BCAS4: variants seen among roughly 807,000 people sequenced by gnomAD.
BCAS4 encodes the protein breast carcinoma-amplified sequence 4.
A neutral mutation model predicts 15.7 loss-of-function variants in BCAS4; 9 were observed. The observed-to-expected ratio is 0.57, with a 90% CI of 0.34 to 1.00. The LOEUF (loss-of-function observed/expected upper bound fraction) is 1.00, where lower values mean the gene tolerates loss of function less well. Ranked by LOEUF, BCAS4 falls within the 50% of genes least tolerant of loss-of-function variation. The probability of loss-of-function intolerance (pLI) is 0.02; values close to 1 mark genes in which losing one functional copy is unlikely to be tolerated. For missense variants in BCAS4, 225 were observed against 239.1 expected (o/e 0.94, Z 0.39); for synonymous variants, 101 against 99.5 (o/e 1.02, Z -0.09).
At chr20:50,813,673 CCTTTTTTT>C (rs2088099913) in intron 1 of BCAS4, among the ~76,000 whole-genome samples, 1 of 108,214 alleles carries the variant, frequency 9.2e-6, no homozygotes, top group Non-Finnish European at 1.7e-5. Flanking sequence ...GGGTGGAGGA[CCTTTTTTT>C]TTTTTTTTTT....
At chr20:50,864,284 C>T (rs1386050714) in intron 4 of BCAS4, among the ~76,000 whole-genome samples, 3 of 152,124 alleles carry the variant, frequency 2.0e-5, no homozygotes, top group Admixed American at 1.3e-4. Flanking sequence ...GTACAAGCAT[C>T]ACGCCGGGGA....
At chr20:50,839,490 C>T (rs920868638) in intron 3 of BCAS4, among the ~76,000 whole-genome samples, 3 of 152,086 alleles carry the variant, frequency 2.0e-5, no homozygotes, top group Non-Finnish European at 4.4e-5. Flanking sequence ...AAGCACTCTA[C>T]TTGTTGAATA....
chr20:50,822,564 C>CTCAT (rs1300771331), intron 2 of BCAS4, among the ~76,000 whole-genome samples: 1 of 151,652 alleles, frequency 6.6e-6, no homozygotes, highest in Admixed American at 6.6e-5. Context: ...CAACGAAGCT[C>CTCAT]TCATACATTG....
intron 4 of BCAS4, among the ~76,000 whole-genome samples, chr20:50,842,485 C>T (rs2088497030): frequency 1.7e-5 from 1 of 60,574 alleles, no homozygotes; most frequent in African/African-American, 7.3e-5. Context: ...GGCGTGATCT[C>T]AGCTCACTGC....
At chr20:50,830,483 C>A (rs2088331029) in intron 3 of BCAS4, 103 bp downstream of exon 3, 1 of 867,190 alleles carries the variant, frequency 1.2e-6, no homozygotes, top group Admixed American at 2.6e-5. Context: ...GGCATTATGC[C>A]CAATGCAGGG....
chr20:50,872,581 C>CAA lies in BCAS4; in HGVS notation c.400-3893_400-3892dup, dbSNP rs796808126. Among the ~76,000 whole-genome samples the CAA allele has an allele frequency of 1.1e-3, 43 of 40,284 alleles. 1 individual carries two copies. Among genetic ancestry groups the CAA allele is most frequent in the African/African-American group, 1.7e-3 (6 of 3,624 alleles). 26.4% of individuals were successfully genotyped at this position (40,284 alleles called of 152,430 possible). On this transcript the variant is annotated intron_variant, in intron 4 of 4. Coordinates refer to ENST00000371608, the MANE Select transcript of BCAS4 (RefSeq NM_198799.4). ...GCGAGACTCCATCTCAAAAAAGGAACAAAAAAAAAAAAAGAAAAAAATCAA... is the reference window on the plus strand; with the variant it reads ...GCGAGACTCCATCTCAAAAAAGGAACAAAAAAAAAAAAAAAGAAAAAAATCAA...
intron 1 of BCAS4, among the ~76,000 whole-genome samples, chr20:50,796,467 ATATATATATATATATATATATTTTTTTTT>A (rs1444665196): frequency 4.4e-4 from 5 of 11,328 alleles, no homozygotes; most frequent in African/African-American, 1.9e-3. Flanking sequence ...ATATATATAT[ATATATATATATATATATATATTTTTTTTT>A]TTTTTTTTTT....
intron 4 of BCAS4, among the ~76,000 whole-genome samples, chr20:50,872,077 C>T (rs6013036): frequency 0.45 from 68,362 of 151,258 alleles, 18,018 homozygotes; most frequent in African/African-American, 0.75. Context: ...CTGGCCAACA[C>T]GGTGAAACCC....
intron 1 of BCAS4, among the ~76,000 whole-genome samples, chr20:50,814,462 T>C (rs1333586073): frequency 6.6e-6 from 1 of 152,198 alleles, no homozygotes; most frequent in African/African-American, 2.4e-5. Flanking sequence ...TTAGTTTTCT[T>C]TTTATAGAGA....
At chr20:50,818,304 G>GTGGGTTTAGGCCTGGAAGGCA in intron 2 of BCAS4, 22 bp downstream of exon 2, 1 of 1,607,974 alleles carries the variant, frequency 6.2e-7, no homozygotes, top group Non-Finnish European at 8.5e-7. Flanking sequence ...CCTGGAAGGC[G>GTGGGTTTAGGCCTGGAAGGCA]TGGGTTTAGG....
chr20:50,856,503 G>C (rs1201272699), intron 4 of BCAS4, among the ~76,000 whole-genome samples: 4 of 152,222 alleles, frequency 2.6e-5, no homozygotes, highest in Non-Finnish European at 4.4e-5. Context: ...GGAGGTGGCT[G>C]TTTCGGGGCT....
At chr20:50,864,609 T>C (rs1979265129) in intron 4 of BCAS4, among the ~76,000 whole-genome samples, 2 of 151,564 alleles carry the variant, frequency 1.3e-5, no homozygotes, top group Non-Finnish European at 2.9e-5. Context: ...TGGCTAAATT[T>C]TTTTTGTATT....
intron 1 of BCAS4, among the ~76,000 whole-genome samples, chr20:50,812,696 TC>T (rs1376425878): frequency 1.2e-4 from 18 of 152,330 alleles, no homozygotes; most frequent in Admixed American, 2.6e-4. Flanking sequence ...TGCCTCGGCC[TC>T]CCAAAGTGTT....
chr20:50,821,709 G>C (rs1208149214), intron 2 of BCAS4, among the ~76,000 whole-genome samples: 3 of 152,162 alleles, frequency 2.0e-5, no homozygotes, highest in Non-Finnish European at 4.4e-5. Context: ...GCACGGTTTA[G>C]AGAGAAGCCA....
chr20:50,874,342 C>G (rs989660614), intron 4 of BCAS4, among the ~76,000 whole-genome samples: 1 of 152,198 alleles, frequency 6.6e-6, no homozygotes, highest in Non-Finnish European at 1.5e-5. Flanking sequence ...CTTGGTACCT[C>G]TATACCCCTG....
At chr20:50,830,415 G>A (rs780789153) in intron 3 of BCAS4, 35 bp downstream of exon 3, 8 of 1,560,800 alleles carry the variant, frequency 5.1e-6, no homozygotes, top group Non-Finnish European at 7.0e-6. Context: ...TGAGGCTGTG[G>A]ACTTGATCTT....
chr20:50,827,555 C>T (rs1344430839), intron 2 of BCAS4, among the ~76,000 whole-genome samples: 2 of 152,138 alleles, frequency 1.3e-5, no homozygotes, highest in African/African-American at 4.8e-5. Context: ...TTTTGTTGCT[C>T]AGCTTGTCCC....
intron 4 of BCAS4, among the ~76,000 whole-genome samples, chr20:50,845,280 G>C (rs1456353953): frequency 1.3e-5 from 2 of 152,116 alleles, no homozygotes; most frequent in African/African-American, 4.8e-5. Flanking sequence ...CTGACCGCCG[G>C]ACCTGCTCTC....
chr20:50,799,157 A>T (rs2087899669), intron 1 of BCAS4, among the ~76,000 whole-genome samples: 1 of 152,146 alleles, frequency 6.6e-6, no homozygotes, highest in Non-Finnish European at 1.5e-5. Context: ...GCGACATGTC[A>T]TTGTGCCCAG....
Sources: gnomAD v4.1 joint callset for allele counts (sites outside exome capture counted in the v4.1 genomes callset) on GRCh38, gnomAD v4.1.1 for gene constraint, MANE v1.5 for transcripts, NCBI Gene and HGNC (gene_info 2026-07-23, HGNC 2026-07-21) for gene names.